The following FSTL5 variants were observed in gnomAD, a reference collection of about 807,000 sequenced individuals.
FSTL5 encodes follistatin-related protein 5.
Under a neutral mutation model 89.1 loss-of-function variants are expected in FSTL5, and 62 were observed. The observed-to-expected ratio is 0.70, with a 90% CI of 0.57 to 0.86. The LOEUF is 0.86. Among genes scored for constraint, FSTL5 ranks in the 40% least tolerant of loss-of-function variants. FSTL5 has a pLI of 0.00. For synonymous variants in FSTL5, 383 were observed against 346.2 expected, an observed-to-expected ratio of 1.11 and a Z score of -1.18; for missense variants, 1,057 against 1,001.6, an observed-to-expected ratio of 1.06 and a Z score of -0.75.
rs181037210 is a variant in FSTL5, at chr4:161,844,890, C to A, written c.410-68816G>T. Among the ~76,000 whole-genome samples, 148 of 151,924 alleles carry A rather than the reference C, an allele frequency of 9.7e-4. 2 individuals carry two copies. The highest frequency in any genetic ancestry group is 9.6e-3 in the Admixed American group (147 of 15,244). On this transcript the variant is annotated intron_variant, in intron 4 of 15. Coordinates refer to ENST00000306100, the MANE Select transcript of FSTL5 (RefSeq NM_020116.5). Reference sequence around the variant, plus strand: ...GGCATTTGTACACCTATGTAACAAACCTGCAGGTTCTGCACATGTATCCCA... The same window carrying A: ...GGCATTTGTACACCTATGTAACAAAACTGCAGGTTCTGCACATGTATCCCA...
chr4:162,058,423 C>CTTTTTTTTTTTT (rs764578152), intron 2 of FSTL5, among the ~76,000 whole-genome samples: 1 of 112,106 alleles, frequency 8.9e-6, no homozygotes, highest in Non-Finnish European at 1.7e-5. Flanking sequence ...ATAAATTCCT[C>CTTTTTTTTTTTT]TTTTTTTTTT....
At chr4:161,899,524 A>G (rs1225302796) in intron 4 of FSTL5, among the ~76,000 whole-genome samples, 1 of 152,230 alleles carries the variant, frequency 6.6e-6, no homozygotes, top group African/African-American at 2.4e-5. Flanking sequence ...TGCCAATCTT[A>G]GTGAACTGCC....
chr4:161,674,005 T>C (rs1237605650), intron 6 of FSTL5, among the ~76,000 whole-genome samples: 1 of 152,004 alleles, frequency 6.6e-6, no homozygotes, highest in Non-Finnish European at 1.5e-5. Flanking sequence ...AAATTGTTAA[T>C]AAGAGTGACT....
At chr4:161,649,818 C>T (rs941219996) in intron 7 of FSTL5, among the ~76,000 whole-genome samples, 2 of 152,158 alleles carry the variant, frequency 1.3e-5, no homozygotes, top group Non-Finnish European at 2.9e-5. Context: ...AGACTCTTTA[C>T]AACAGCAACA....
chr4:162,122,251 G>T (rs1731897883), intron 1 of FSTL5, among the ~76,000 whole-genome samples: 1 of 152,056 alleles, frequency 6.6e-6, no homozygotes, highest in Non-Finnish European at 1.5e-5. Context: ...TAGGTTAAAA[G>T]TCAAAAGACA....
At chr4:161,452,077 A>G (rs147128579) in intron 15 of FSTL5, among the ~76,000 whole-genome samples, 26 of 152,358 alleles carry the variant, frequency 1.7e-4, no homozygotes, top group African/African-American at 6.0e-4. Context: ...GAAAACTTCT[A>G]TTGAGCCCAA....
chr4:161,900,638 C>CAAAAAAAAAAA (rs58702301), intron 4 of FSTL5, among the ~76,000 whole-genome samples: 3 of 65,310 alleles, frequency 4.6e-5, no homozygotes, highest in Admixed American at 1.9e-4. Flanking sequence ...GACTCCATCT[C>CAAAAAAAAAAA]AAAAAAAAAA....
chr4:161,633,359 G>A (rs549113885), intron 7 of FSTL5, among the ~76,000 whole-genome samples: 4 of 148,724 alleles, frequency 2.7e-5, no homozygotes, highest in South Asian at 2.1e-4. Context: ...TGTGCACAAC[G>A]AGACCAAGTC....
intron 4 of FSTL5, among the ~76,000 whole-genome samples, chr4:161,805,865 G>A (rs2126834272): frequency 6.6e-6 from 1 of 152,084 alleles, no homozygotes; most frequent in Admixed American, 6.6e-5. Flanking sequence ...GGTTACCCAT[G>A]GTAAACCCTT....
intron 1 of FSTL5, among the ~76,000 whole-genome samples, chr4:162,143,986 C>G (rs1489879657): frequency 6.6e-6 from 1 of 152,040 alleles, no homozygotes; most frequent in Non-Finnish European, 1.5e-5. Flanking sequence ...TAAAAAAGCT[C>G]AAGATATTGA....
At chr4:161,616,763 C>G (rs913805072) in intron 7 of FSTL5, among the ~76,000 whole-genome samples, 5 of 151,812 alleles carry the variant, frequency 3.3e-5, no homozygotes, top group Admixed American at 3.3e-4. Flanking sequence ...GAGCTTAATA[C>G]ATCGGTGACG....
At chr4:161,531,828 A>G (rs957933244) in intron 10 of FSTL5, among the ~76,000 whole-genome samples, 56 of 152,316 alleles carry the variant, frequency 3.7e-4, no homozygotes, top group African/African-American at 1.3e-3. Flanking sequence ...ATGCATTATT[A>G]TAAAACTCTG....
At chr4:161,500,589 A>G (rs899092748) in intron 11 of FSTL5, among the ~76,000 whole-genome samples, 3 of 152,122 alleles carry the variant, frequency 2.0e-5, no homozygotes, top group African/African-American at 7.2e-5. Flanking sequence ...AGGAAGAAAA[A>G]GACCAAATGC....
intron 15 of FSTL5, among the ~76,000 whole-genome samples, chr4:161,403,430 TTTATC>T (rs1313329927): frequency 6.6e-6 from 1 of 152,192 alleles, no homozygotes; most frequent in East Asian, 1.9e-4. Flanking sequence ...TATGACCTAC[TTTATC>T]ACTATGGAAA....
chr4:161,596,779 C>T (rs1734024125), intron 7 of FSTL5, among the ~76,000 whole-genome samples: 1 of 152,136 alleles, frequency 6.6e-6, no homozygotes, highest in South Asian at 2.1e-4. Flanking sequence ...TTTACAGTCA[C>T]TCTTGAAAAA....
chr4:161,460,932 G>A (rs1733544981), intron 13 of FSTL5, among the ~76,000 whole-genome samples: 1 of 150,920 alleles, frequency 6.6e-6, no homozygotes, highest in African/African-American at 2.5e-5. Context: ...CTTAAGAGTG[G>A]TCACATTGCA....
At chr4:161,524,260 G>GC (rs1731132079) in intron 10 of FSTL5, among the ~76,000 whole-genome samples, 2 of 151,132 alleles carry the variant, frequency 1.3e-5, no homozygotes, top group Non-Finnish European at 2.9e-5. Flanking sequence ...AGCCCACCCC[G>GC]CCCACCACAA....
At chr4:161,475,784 CTG>C (rs76599429) in intron 13 of FSTL5, among the ~76,000 whole-genome samples, 10,403 of 151,872 alleles carry the variant, frequency 0.068, 467 homozygotes, top group Middle Eastern at 0.11. Context: ...GAGTCTCACT[CTG>C]TTGCCCAGGC....
chr4:161,715,417 C>T (rs1000474342), intron 6 of FSTL5, among the ~76,000 whole-genome samples: 1 of 152,054 alleles, frequency 6.6e-6, no homozygotes, highest in Non-Finnish European at 1.5e-5. Flanking sequence ...AATGACACAC[C>T]CTGTCATTTT....
Sources: allele counts gnomAD v4.1 joint callset (sites outside exome capture counted in the v4.1 genomes callset), GRCh38; gene constraint gnomAD v4.1.1; transcripts MANE v1.5; gene names NCBI Gene and HGNC (gene_info 2026-07-23, HGNC 2026-07-21).